Variants in ARPC2 observed in about 807,000 individuals in gnomAD.
ARPC2 encodes actin related protein 2/3 complex subunit 2.
Under a neutral mutation model 38.6 loss-of-function variants are expected in ARPC2, and 4 were observed. The observed-to-expected ratio is 0.10, with a 90% CI of 0.05 to 0.24. The LOEUF (loss-of-function observed/expected upper bound fraction) is 0.24, where lower values mean the gene tolerates loss of function less well. Among genes scored for constraint, ARPC2 ranks in the 10% least tolerant of loss-of-function variants. The pLI, the probability that ARPC2 is intolerant of heterozygous loss-of-function variation, is 1.00. For missense variants in ARPC2, 229 were observed against 387.3 expected, an observed-to-expected ratio of 0.59 and a Z score of 3.43; for synonymous variants, 125 against 140.8, an observed-to-expected ratio of 0.89 and a Z score of 0.79.
At chr2:218,227,124 A>G (rs1177413434) in intron 3 of ARPC2, 1 of 423,284 alleles carries the variant, frequency 2.4e-6, no homozygotes, top group Non-Finnish European at 4.9e-6. Flanking sequence ...TTACCCTCCT[A>G]CTAACTGGCA....
intron 4 of ARPC2, among the ~76,000 whole-genome samples, chr2:218,229,483 G>C (rs138396853): frequency 6.6e-6 from 1 of 152,230 alleles, no homozygotes; most frequent in Non-Finnish European, 1.5e-5. Flanking sequence ...GTTTGTGCAC[G>C]CTGTGGTTGG....
intron 10 of ARPC2, among the ~76,000 whole-genome samples, chr2:218,250,451 C>T (rs575241001): frequency 1.3e-5 from 2 of 152,172 alleles, no homozygotes; most frequent in East Asian, 3.9e-4. Context: ...ATCACAGGGT[C>T]AGGAGTTCAG....
intron 5 of ARPC2, 182 bp downstream of exon 5, chr2:218,234,579 T>C (rs1038476688): frequency 3.4e-6 from 2 of 592,222 alleles, no homozygotes; most frequent in Non-Finnish European, 3.0e-6. Flanking sequence ...TTGTCCAATA[T>C]GGAACACAGT....
rs1690259051 is a variant in ARPC2 at position 218,254,046 on chromosome 2, C to T, written c.*131C>T. The T allele has an allele frequency of 3.3e-6, 4 of 1,202,558 alleles. No individual in the cohort carries two copies. Among genetic ancestry groups the T allele is most frequent in the Non-Finnish European group, 4.7e-6 (4 of 848,760 alleles). 74.5% of individuals were successfully genotyped at this position (1,202,558 alleles called of 1,614,324 possible). On this transcript the variant is annotated 3_prime_UTR_variant, in exon 11 of 11. Transcript: ENST00000315717. ...CTCCGTTTTGGTTCCATTTTGTACA[C>T]GTTTGGAAAATAATCTGCAGAAACG...
chr2:218,242,703 G>A (rs2106156059), intron 7 of ARPC2, among the ~76,000 whole-genome samples: 1 of 152,276 alleles, frequency 6.6e-6, no homozygotes, highest in Middle Eastern at 3.4e-3. Context: ...TGGTATCTGT[G>A]TCTGCTTATG....
intron 7 of ARPC2, 109 bp downstream of exon 7, chr2:218,239,593 A>AT (rs34974153): frequency 0.035 from 21,868 of 620,446 alleles, no homozygotes; most frequent in Non-Finnish European, 0.038. Context: ...TGATGTTAGA[A>AT]TTTTTTTTTT....
rs972124286 is a variant in ARPC2, at chr2:218,254,159, A to G, written c.*244A>G. The G allele has an allele frequency of 1.0e-5, 5 of 483,622 alleles. No homozygotes were observed. Among genetic ancestry groups the G allele is most frequent in the Non-Finnish European group, 1.8e-5 (5 of 276,764 alleles). 30.0% of individuals were successfully genotyped at this position (483,622 alleles called of 1,614,324 possible). ...TTGATCAACTTAATTCCTTTTCTTT[A>G]TCTTCCCTCCCTCACTTCCCTTTTC... On this transcript the variant is annotated 3_prime_UTR_variant, in exon 11 of 11. Transcript: ENST00000315717.
chr2:218,226,085 A>G (rs1190288114), intron 3 of ARPC2, 131 bp downstream of exon 3: 8 of 835,936 alleles, frequency 9.6e-6, no homozygotes, highest in Non-Finnish European at 1.2e-5. Context: ...ACCTGATGTC[A>G]AGAGTTAAAG....
chr2:218,249,527 G>T, intron 9 of ARPC2, 63 bp downstream of exon 9: 1 of 1,294,534 alleles, frequency 7.7e-7, no homozygotes. Flanking sequence ...CAGAACTCCT[G>T]ACAGAAAGTC....
In ARPC2 at chr2:218,246,135, T is replaced by G. The variant is rs553611410; in HGVS notation, c.676+589T>G. On this transcript the variant is annotated intron_variant, in intron 8 of 10. Coordinates refer to ENST00000315717, the MANE Select transcript of ARPC2 (RefSeq NM_152862.3). Reference sequence around the variant, plus strand: ...CAGAGGCTGAGGCAGGAGAATTGCTTGAACCCGGGAGGTGGAGGTTGTAAT... The same window carrying G: ...CAGAGGCTGAGGCAGGAGAATTGCTGGAACCCGGGAGGTGGAGGTTGTAAT... Among the ~76,000 whole-genome samples, 20 of 151,540 alleles carry G rather than the reference T, an allele frequency of 1.3e-4. 1 individual carries two copies. In the South Asian group the frequency reaches 3.6e-3, roughly 27 times the overall value.
rs1481448640 is a variant in ARPC2, at chr2:218,245,485, T to C, written c.615T>C (p.Pro205=). 1 of 1,614,138 alleles carries C rather than the reference T, an allele frequency of 6.2e-7. No homozygotes were observed. The highest frequency in any genetic ancestry group is 8.5e-7 in the Non-Finnish European group (1 of 1,180,014). The change falls in exon 8 of 11, where the codon CCT becomes CCC. Residue 205 remains proline, a synonymous_variant. Transcript: ENST00000315717. ...APQVLFSHRE[P]PLELKDTDAA... is the part of the protein sequence containing the mutation. ...AGGTCCTCTTTAGCCACAGGGAACC[T>C]CCTCTGGAGCTGAAAGACACAGACG...
Position 218,244,923 on chromosome 2 carries a change from T to C in ARPC2, c.550-497T>C, listed in dbSNP as rs575161177. 3.3e-5 allele frequency among the ~76,000 whole-genome samples: 5 copies of C among 152,374 alleles called. No individual in the cohort carries two copies. In the East Asian group the frequency reaches 7.7e-4, roughly 23 times the overall value. On this transcript the variant is annotated intron_variant, in intron 7 of 10. Coordinates refer to ENST00000315717, the MANE Select transcript of ARPC2 (RefSeq NM_152862.3). Reference sequence around the variant, plus strand: ...TCTATTTACATAGGAATGTATGGACTGTAGAAGCTTCAGGTTTGGAGATTG... The same window carrying C: ...TCTATTTACATAGGAATGTATGGACCGTAGAAGCTTCAGGTTTGGAGATTG...
chr2:218,236,258 G>A (rs996953889), intron 5 of ARPC2: 2 of 151,960 alleles, frequency 1.3e-5, no homozygotes, highest in African/African-American at 4.8e-5. Context: ...CTTTACCTTA[G>A]CTATAGTTTT....
Position 218,249,805 on chromosome 2 carries a change from T to A in ARPC2, c.778-16T>A, listed in dbSNP as rs753488874. The A allele has an allele frequency of 1.2e-6, 2 of 1,605,736 alleles. No individual in the cohort carries two copies. The highest frequency in any genetic ancestry group is 4.5e-5 in the East Asian group (2 of 44,802). ...GACCATGACTGTGCTTTAGTACCTG[T>A]TATGTTTGTTCCCAGGCCTATATTC... On this transcript the variant is annotated splice_polypyrimidine_tract_variant and intron_variant, in intron 9 of 10. Transcript: ENST00000315717.
At chr2:218,242,197 C>T (rs1188641103) in intron 7 of ARPC2, among the ~76,000 whole-genome samples, 2 of 152,168 alleles carry the variant, frequency 1.3e-5, no homozygotes, top group African/African-American at 4.8e-5. Flanking sequence ...AAGTGTATTC[C>T]TCCACACTAG....
chr2:218,217,685 C>T (rs574889917), intron 2 of ARPC2, 141 bp downstream of exon 2: 69 of 897,930 alleles, frequency 7.7e-5, no homozygotes, highest in Admixed American at 6.9e-4. Context: ...GCGGGGTAGA[C>T]GTGGGAGGCG....
chr2:218,249,761 C>T, intron 9 of ARPC2, 60 bp from the exon 10 acceptor site: 1 of 1,501,730 alleles, frequency 6.7e-7, no homozygotes, highest in Non-Finnish European at 9.1e-7. Flanking sequence ...TGATGAAAGA[C>T]AGCAAAGCTG....
chr2:218,220,197 G>A (rs1689352292), intron 2 of ARPC2, among the ~76,000 whole-genome samples: 1 of 152,154 alleles, frequency 6.6e-6, no homozygotes, highest in Non-Finnish European at 1.5e-5. Context: ...GATTTGAAAG[G>A]CTTTGCTGGT....
chr2:218,250,907 G>C (rs550690433), intron 10 of ARPC2, among the ~76,000 whole-genome samples: 1 of 151,876 alleles, frequency 6.6e-6, no homozygotes, highest in African/African-American at 2.4e-5. Context: ...TCACTCTGTC[G>C]CCCAGGCTGG....
Sources: allele counts gnomAD v4.1 joint callset (sites outside exome capture counted in the v4.1 genomes callset), GRCh38; gene constraint gnomAD v4.1.1; transcripts MANE v1.5; gene names NCBI Gene and HGNC (gene_info 2026-07-23, HGNC 2026-07-21).